The following ZFP1 variants were observed in gnomAD, a reference collection of about 807,000 sequenced individuals.
The protein encoded by ZFP1 is ZFP1 zinc finger protein.
A neutral mutation model predicts 38.5 loss-of-function variants in ZFP1; 32 were observed. The ratio of observed to expected loss-of-function variants is 0.83; its 90% CI spans 0.63 to 1.12. The LOEUF (loss-of-function observed/expected upper bound fraction) is 1.12. ZFP1 is among the 50% of genes most tolerant of loss of function. ZFP1 has a pLI of 0.00. For synonymous variants in ZFP1, 245 were observed against 168.8 expected, an observed-to-expected ratio of 1.45 and a Z score of -3.50; for missense variants, 616 against 480.8, an observed-to-expected ratio of 1.28 and a Z score of -2.63.
At chr16:75,122,553 T>C in the ZFP1 span, among the ~76,000 whole-genome samples, 2 of 152,228 alleles carry the variant, frequency 1.3e-5, no homozygotes, top group South Asian at 4.1e-4. Flanking sequence ...CTGAACATAC[T>C]GACATACTGA....
chr16:75,153,355 G>A (rs1454248020), intron 2 of ZFP1, among the ~76,000 whole-genome samples: 2 of 152,182 alleles, frequency 1.3e-5, no homozygotes, highest in Non-Finnish European at 2.9e-5. Context: ...TAATGCCAGA[G>A]AATGCAGTAA....
rs778582600 is a variant in ZFP1 at position 75,170,338 on chromosome 16, T to G, written c.*4T>G. The G allele has an allele frequency of 6.4e-7, 1 of 1,559,078 alleles. No homozygotes were observed. The highest frequency in any genetic ancestry group is 1.9e-5 in the Admixed American group (1 of 52,770). On this transcript the variant is annotated 3_prime_UTR_variant, in exon 4 of 4. Transcript: ENST00000570010. Reference sequence around the variant, plus strand: ...TCACATCGGGGAGAAACCCTGAAACTCCAGCCAGGTCTTACTGTGGAAAAC... The same window carrying G: ...TCACATCGGGGAGAAACCCTGAAACGCCAGCCAGGTCTTACTGTGGAAAAC...
chr16:75,153,525 G>A (rs766462984), intron 2 of ZFP1, among the ~76,000 whole-genome samples: 3 of 152,088 alleles, frequency 2.0e-5, no homozygotes, highest in East Asian at 1.9e-4. Flanking sequence ...GTTTATATGC[G>A]TTCTGTTTTA....
At chr16:75,155,340 C>G (rs1304868505) in intron 2 of ZFP1, among the ~76,000 whole-genome samples, 2 of 152,148 alleles carry the variant, frequency 1.3e-5, no homozygotes, top group Non-Finnish European at 2.9e-5. Context: ...TGCCCTGTCG[C>G]TCAGGCTCAT....
At chr16:75,168,673 C>T (rs1481487597) in intron 3 of ZFP1, among the ~76,000 whole-genome samples, 2 of 152,158 alleles carry the variant, frequency 1.3e-5, no homozygotes, top group East Asian at 3.8e-4. Context: ...TGGAGCTCTG[C>T]TATCTGGTTG....
intron 2 of ZFP1, among the ~76,000 whole-genome samples, chr16:75,165,326 A>ACTT (rs2038012402): frequency 6.6e-6 from 1 of 152,102 alleles, no homozygotes; most frequent in African/African-American, 2.4e-5. Context: ...TTGTCTTCTG[A>ACTT]CTTCCATTGT....
intron 2 of ZFP1, among the ~76,000 whole-genome samples, chr16:75,153,637 A>G (rs1295788984): frequency 6.6e-6 from 1 of 151,940 alleles, no homozygotes; most frequent in Admixed American, 6.6e-5. Context: ...CCCTACCCCC[A>G]GTTTCCTTTA....
In ZFP1 at chr16:75,169,647, C is replaced by T. The variant is rs779785402; in HGVS notation, c.537C>T (p.Asn179=). Reference sequence around the variant, plus strand: ...TTTTTAAACATCAGAAAATAAAAAACTTGGTTCAACCTTTCATTTGTACTT... The same window carrying T: ...TTTTTAAACATCAGAAAATAAAAAATTTGGTTCAACCTTTCATTTGTACTT... ...AAIFKHQKIK[N]LVQPFICTYC... The change falls in exon 4 of 4, where the codon AAC becomes AAT. Residue 179 remains asparagine, a synonymous_variant. Transcript: ENST00000570010. 6.3e-7 allele frequency: 1 copy of T among 1,595,422 alleles called. No individual in the cohort carries two copies. Among genetic ancestry groups the T allele is most frequent in the Non-Finnish European group, 8.5e-7 (1 of 1,174,986 alleles).
chr16:75,170,903 T>A lies in ZFP1; in HGVS notation c.*569T>A, dbSNP rs1293020597. ...TCTTTCCCTACTGCTTGCTGGCATA[T>A]ATCAGTTGGTATGAACATTGTTCTT... On this transcript the variant is annotated 3_prime_UTR_variant, in exon 4 of 4. Transcript: ENST00000570010. 2.0e-5 allele frequency: 3 copies of A among 152,278 alleles called. No individual in the cohort carries two copies. The highest frequency in any genetic ancestry group is 7.2e-5 in the African/African-American group (3 of 41,458). The allele number at this position is 152,278 out of a possible 1,614,324, so 9.4% of individuals were successfully genotyped here. A position where few individuals can be genotyped will look rare whatever the true frequency, so the allele number is the denominator to read the frequency against.
chr16:75,127,517 C>T, the ZFP1 span, among the ~76,000 whole-genome samples: 9 of 152,098 alleles, frequency 5.9e-5, no homozygotes, highest in African/African-American at 9.7e-5. Flanking sequence ...GATGGGGTTT[C>T]GCCATGTTGG....
chr16:75,165,397 C>T (rs1446570637), intron 2 of ZFP1, among the ~76,000 whole-genome samples: 1 of 151,838 alleles, frequency 6.6e-6, no homozygotes, highest in African/African-American at 2.4e-5. Context: ...CTGTTTTTTC[C>T]TCTGGGTTTT....
chr16:75,148,822 C>G (rs1359554629), intron 1 of ZFP1, 179 bp downstream of exon 1: 5 of 152,286 alleles, frequency 3.3e-5, no homozygotes, highest in African/African-American at 1.2e-4. Flanking sequence ...GCCGGCGGGG[C>G]ACGCCTGGCC....
At chr16:75,139,152 G>A in the ZFP1 span, among the ~76,000 whole-genome samples, 4 of 151,812 alleles carry the variant, frequency 2.6e-5, no homozygotes, top group East Asian at 5.8e-4. Flanking sequence ...GGCGGATCAC[G>A]AGGTCAGGGG....
chr16:75,135,209 C>CA, the ZFP1 span, among the ~76,000 whole-genome samples: 50 of 14,922 alleles, frequency 3.4e-3, 3 homozygotes, highest in East Asian at 0.022. Flanking sequence ...GACCTTATCT[C>CA]AAAAAAAAAA....
At chr16:75,125,792 C>G in the ZFP1 span, among the ~76,000 whole-genome samples, 1 of 151,756 alleles carries the variant, frequency 6.6e-6, no homozygotes, top group African/African-American at 2.4e-5. Context: ...ACTGTAAGCC[C>G]AGCACTTTGG....
intron 2 of ZFP1, among the ~76,000 whole-genome samples, chr16:75,165,089 A>G (rs918008850): frequency 9.9e-5 from 15 of 151,788 alleles, no homozygotes; most frequent in Admixed American, 2.6e-4. Context: ...ACAGGCATGA[A>G]CCATCGCGCC....
Position 75,170,928 on chromosome 16 carries a change from T to C in ZFP1, c.*594T>C, listed in dbSNP as rs1164181950. The C allele has an allele frequency of 1.6e-5, 1 of 63,358 alleles. No homozygotes were observed. Among genetic ancestry groups the C allele is most frequent in the African/African-American group, 4.3e-5 (1 of 23,444 alleles). 3.9% of individuals were successfully genotyped at this position (63,358 alleles called of 1,614,324 possible). A position where few individuals can be genotyped will look rare whatever the true frequency, so the allele number is the denominator to read the frequency against. ...TATCAGTTGGTATGAACATTGTTCT[T>C]GAGCTGCCTCTTAGGAAACAGAAGA... On this transcript the variant is annotated 3_prime_UTR_variant, in exon 4 of 4. Transcript: ENST00000570010.
At chr16:75,151,906 G>T (rs571415641) in intron 1 of ZFP1, among the ~76,000 whole-genome samples, 1 of 152,208 alleles carries the variant, frequency 6.6e-6, no homozygotes, top group African/African-American at 2.4e-5. Context: ...TTTGTTGTTT[G>T]AAAAAGGTTT....
the ZFP1 span, among the ~76,000 whole-genome samples, chr16:75,143,452 G>A: frequency 0.041 from 6,159 of 151,912 alleles, 423 homozygotes; most frequent in African/African-American, 0.14. Context: ...CAATATGTTG[G>A]CCAGGCTGGT....
Sources: allele counts gnomAD v4.1 joint callset (sites outside exome capture counted in the v4.1 genomes callset), GRCh38; gene constraint gnomAD v4.1.1; transcripts MANE v1.5; gene names NCBI Gene and HGNC (gene_info 2026-07-23, HGNC 2026-07-21).